CREB5: variants seen among roughly 807,000 people sequenced by gnomAD.
CREB5 encodes cyclic AMP-responsive element-binding protein 5.
Under a neutral mutation model 57.1 loss-of-function variants are expected in CREB5, and 19 were observed. That is an observed-to-expected ratio of 0.33 (90% confidence interval 0.23 to 0.49). The LOEUF is 0.49. Ranked by LOEUF, CREB5 falls within the 20% of genes least tolerant of loss-of-function variation. CREB5 has a pLI of 0.99. For missense variants in CREB5, 579 were observed against 671.6 expected (o/e 0.86, Z 1.52); for synonymous variants, 238 against 238.3 (o/e 1.00, Z 0.01).
At chr7:28,673,692 C>T (rs1800173400) in intron 5 of CREB5, among the ~76,000 whole-genome samples, 1 of 92,116 alleles carries the variant, frequency 1.1e-5, no homozygotes, top group Non-Finnish European at 1.9e-5. Context: ...TTTTTGGAGA[C>T]ATTCGAGTCT....
At chr7:28,610,205 C>G (rs1238460177) in intron 5 of CREB5, among the ~76,000 whole-genome samples, 2 of 152,088 alleles carry the variant, frequency 1.3e-5, no homozygotes, top group Non-Finnish European at 2.9e-5. Flanking sequence ...GGGGTTCTTT[C>G]TGCATCCCCC....
In CREB5 at chr7:28,825,781, A is replaced by G. The variant is rs189418489; in HGVS notation, c.*6502A>G. 6.5e-6 allele frequency: 1 copy of G among 152,766 alleles called. No homozygotes were observed. Among genetic ancestry groups the G allele is most frequent in the African/African-American group, 2.4e-5 (1 of 41,578 alleles). The allele number at this position is 152,766 out of a possible 1,614,324, so 9.5% of individuals were successfully genotyped here. A position where few individuals can be genotyped will look rare whatever the true frequency, so the allele number is the denominator to read the frequency against. ...ACAATGAGTTCATTAAGACTGTTCAACTAGGTCAGATTTTTACATCTCTTT... is the reference window on the plus strand; with the variant it reads ...ACAATGAGTTCATTAAGACTGTTCAGCTAGGTCAGATTTTTACATCTCTTT... On this transcript the variant is annotated 3_prime_UTR_variant, in exon 11 of 11. Coordinates refer to ENST00000357727, the MANE Select transcript of CREB5 (RefSeq NM_182898.4).
rs371461368 is a variant in CREB5, at chr7:28,672,447, G to GAA, written c.465-46297_465-46296dup. ...ATCCAGGATGTTGTACAGAACTGCA[G>GAA]AAAAAAAAAATGCTCTTTTCATAAT... On this transcript the variant is annotated intron_variant, in intron 5 of 10. Transcript: ENST00000357727. Among the ~76,000 whole-genome samples, 855 of 147,186 alleles carry GAA rather than the reference G, an allele frequency of 5.8e-3. 7 individuals carry two copies. The highest frequency in any genetic ancestry group is 0.02 in the African/African-American group (822 of 40,208).
intron 1 of CREB5, among the ~76,000 whole-genome samples, chr7:28,307,818 CAG>C (rs1321972984): frequency 1.3e-5 from 2 of 152,226 alleles, no homozygotes; most frequent in African/African-American, 4.8e-5. Flanking sequence ...AGGAGGAAGA[CAG>C]ATAATGATTG....
intron 5 of CREB5, among the ~76,000 whole-genome samples, chr7:28,614,606 C>T (rs141762038): frequency 8.7e-4 from 133 of 152,258 alleles, no homozygotes; most frequent in South Asian, 8.3e-3. Context: ...CTCTTACTTT[C>T]GTGTGAAATT....
intron 7 of CREB5, among the ~76,000 whole-genome samples, chr7:28,743,574 T>C (rs1403309574): frequency 6.6e-6 from 1 of 152,138 alleles, no homozygotes; most frequent in Non-Finnish European, 1.5e-5. Context: ...AGGAAACTGT[T>C]TGTTTCTGTA....
intron 5 of CREB5, among the ~76,000 whole-genome samples, chr7:28,679,196 A>G (rs1159175201): frequency 6.6e-6 from 1 of 152,084 alleles, no homozygotes; most frequent in Non-Finnish European, 1.5e-5. Context: ...GGGGAGACAG[A>G]GGGAGAATAT....
chr7:28,361,262 T>C (rs1361393156), intron 1 of CREB5, among the ~76,000 whole-genome samples: 2 of 152,198 alleles, frequency 1.3e-5, no homozygotes, highest in Non-Finnish European at 2.9e-5. Context: ...AGTGTTCCCG[T>C]TATGGCTCTT....
At chr7:28,518,881 A>C (rs1793087218) in intron 4 of CREB5, among the ~76,000 whole-genome samples, 1 of 152,190 alleles carries the variant, frequency 6.6e-6, no homozygotes, top group African/African-American at 2.4e-5. Context: ...GCTCTCTAAA[A>C]GTCACACATG....
At chr7:28,415,755 CTT>C (rs754645321) in intron 1 of CREB5, among the ~76,000 whole-genome samples, 43 of 152,302 alleles carry the variant, frequency 2.8e-4, no homozygotes, top group Non-Finnish European at 5.7e-4. Flanking sequence ...TACTACCTGT[CTT>C]TTCTCTATTA....
chr7:28,494,898 T>C lies in CREB5; in HGVS notation c.76-8T>C. On this transcript the variant is annotated splice_polypyrimidine_tract_variant and splice_region_variant and intron_variant, in intron 2 of 10. Transcript: ENST00000357727. The stretch of plus-strand genomic sequence containing the variant: ...TCTCCCCTCCCTTTTTTTTTATTCG[T>C]CCGACAGCGCTTCCCAACAGAGGAC... 6.4e-7 allele frequency: 1 copy of C among 1,569,000 alleles called. No homozygotes were observed. Among genetic ancestry groups the C allele is most frequent in the Non-Finnish European group, 8.6e-7 (1 of 1,164,512 alleles).
At chr7:28,307,907 T>C (rs1785216576) in intron 1 of CREB5, among the ~76,000 whole-genome samples, 1 of 152,232 alleles carries the variant, frequency 6.6e-6, no homozygotes, top group Admixed American at 6.5e-5. Context: ...GGGGAGACTT[T>C]TCCTTAAACG....
At chr7:28,682,018 C>T (rs1012304409) in intron 5 of CREB5, among the ~76,000 whole-genome samples, 1 of 152,188 alleles carries the variant, frequency 6.6e-6, no homozygotes, top group Admixed American at 6.5e-5. Context: ...ATGCCTCCAC[C>T]ATTATAAATT....
At chr7:28,613,493 G>A (rs771828944) in intron 5 of CREB5, among the ~76,000 whole-genome samples, 27 of 152,314 alleles carry the variant, frequency 1.8e-4, no homozygotes, top group East Asian at 3.9e-4. Context: ...ATTACACCCA[G>A]AATGAAAGAG....
chr7:28,805,683 T>C (rs1190694558), intron 8 of CREB5, among the ~76,000 whole-genome samples: 1 of 152,088 alleles, frequency 6.6e-6, no homozygotes, highest in East Asian at 1.9e-4. Flanking sequence ...AGAGGTGTTC[T>C]ACATTGTGAA....
chr7:28,426,728 A>G (rs1055678825), intron 1 of CREB5, among the ~76,000 whole-genome samples: 4 of 152,132 alleles, frequency 2.6e-5, no homozygotes, highest in Non-Finnish European at 2.9e-5. Context: ...TCTTTTTCTT[A>G]TGGTTTTAAG....
In CREB5 at chr7:28,499,135, C is replaced by T. The variant is rs143836242; in HGVS notation, c.169+4136C>T. Reference sequence around the variant, plus strand: ...TCCAAATCTTGTCTTGTTAAATATCCCCACCCTGAGTTCTTTATAGGGTTC... The same window carrying T: ...TCCAAATCTTGTCTTGTTAAATATCTCCACCCTGAGTTCTTTATAGGGTTC... On this transcript the variant is annotated intron_variant, in intron 3 of 10. Transcript: ENST00000357727. 3.9e-3 allele frequency among the ~76,000 whole-genome samples: 581 copies of T among 150,082 alleles called. 5 individuals are homozygous for T. The highest frequency in any genetic ancestry group is 0.014 in the African/African-American group (558 of 40,686).
chr7:28,793,922 C>A (rs1035432261), intron 7 of CREB5, among the ~76,000 whole-genome samples: 8 of 152,160 alleles, frequency 5.3e-5, no homozygotes, highest in Non-Finnish European at 1.0e-4. Context: ...ATTCATTGCA[C>A]CCCTTTTTGC....
intron 1 of CREB5, among the ~76,000 whole-genome samples, chr7:28,337,599 T>C (rs543458360): frequency 6.6e-6 from 1 of 152,218 alleles, no homozygotes; most frequent in Admixed American, 6.5e-5. Context: ...ATAGGTGAAG[T>C]GTGTTCCATG....
Sources: allele counts gnomAD v4.1 joint callset (sites outside exome capture counted in the v4.1 genomes callset), GRCh38; gene constraint gnomAD v4.1.1; transcripts MANE v1.5; gene names NCBI Gene and HGNC (gene_info 2026-07-23, HGNC 2026-07-21).